Variants in CHRNA7 observed in about 807,000 individuals in gnomAD.
CHRNA7 encodes the protein neuronal acetylcholine receptor subunit alpha-7.
A neutral mutation model predicts 48.0 loss-of-function variants in CHRNA7; 17 were observed. The ratio of observed to expected loss-of-function variants is 0.35; its 90% CI spans 0.24 to 0.53. The LOEUF is 0.53. CHRNA7 is among the 20% of genes least tolerant of loss of function. CHRNA7 has a pLI of 0.92. For missense variants in CHRNA7, 155 were observed against 577.7 expected (o/e 0.27, Z 7.50); for synonymous variants, 75 against 242.3 (o/e 0.31, Z 6.41).
chr15:32,068,648 A>G (rs1016347843), intron 2 of CHRNA7, among the ~76,000 whole-genome samples: 7 of 151,562 alleles, frequency 4.6e-5, no homozygotes, highest in Non-Finnish European at 7.4e-5. Context: ...GCTTGAACCC[A>G]GGAGGCAGAG....
intron 2 of CHRNA7, among the ~76,000 whole-genome samples, chr15:32,072,273 C>T (rs943578224): frequency 5.9e-5 from 9 of 152,196 alleles, no homozygotes. Flanking sequence ...AGCAGCAAAG[C>T]ATTTAAGAGG....
intron 4 of CHRNA7, among the ~76,000 whole-genome samples, chr15:32,141,071 T>C (rs2051369359): frequency 6.6e-6 from 1 of 152,252 alleles, no homozygotes; most frequent in South Asian, 2.1e-4. Context: ...GGTTTAAGTC[T>C]TTAATCCATC....
In CHRNA7 at chr15:32,049,364, C is replaced by G. The variant is rs542048503; in HGVS notation, c.195+18327C>G. On this transcript the variant is annotated intron_variant, in intron 2 of 9. Coordinates refer to ENST00000306901, the MANE Select transcript of CHRNA7 (RefSeq NM_000746.6). ...GTGCATATATATTTAGGAAAGTTAG[C>G]TCTTCTTGTTGAATTGATCCCTTTA... is the stretch of plus-strand genomic sequence containing the variant. Among the ~76,000 whole-genome samples, 805 of 152,164 alleles carry G rather than the reference C, an allele frequency of 5.3e-3. 13 individuals carry two copies. The highest frequency in any genetic ancestry group is 5.8e-3 in the Non-Finnish European group (397 of 68,010).
intron 3 of CHRNA7, among the ~76,000 whole-genome samples, chr15:32,110,189 C>T (rs139984665): frequency 1.3e-5 from 2 of 152,160 alleles, no homozygotes; most frequent in African/African-American, 4.8e-5. Flanking sequence ...TTGGCTGTGG[C>T]AGGGCCTTGT....
At chr15:32,079,326 A>G (rs943662487) in intron 2 of CHRNA7, among the ~76,000 whole-genome samples, 3 of 152,218 alleles carry the variant, frequency 2.0e-5, no homozygotes, top group Non-Finnish European at 2.9e-5. Flanking sequence ...AGAAAGAAGT[A>G]GAGGGTATTC....
At chr15:32,105,406 T>G in intron 3 of CHRNA7, among the ~76,000 whole-genome samples, 3 of 134,986 alleles carry the variant, frequency 2.2e-5, no homozygotes, top group Admixed American at 7.5e-5. Flanking sequence ...GAGGAGGAGT[T>G]GGAGGAGGTG....
At chr15:32,043,517 ATTTC>A (rs2049484475) in intron 2 of CHRNA7, among the ~76,000 whole-genome samples, 1 of 151,522 alleles carries the variant, frequency 6.6e-6, no homozygotes, top group African/African-American at 2.4e-5. Context: ...TGTTAGTCAT[ATTTC>A]TTTCTTTTTG....
intron 2 of CHRNA7, among the ~76,000 whole-genome samples, chr15:32,049,891 C>A (rs1487394743): frequency 1.3e-5 from 2 of 152,086 alleles, no homozygotes; most frequent in Non-Finnish European, 2.9e-5. Context: ...TATTTTATTT[C>A]TCCTTCACTT....
intron 4 of CHRNA7, among the ~76,000 whole-genome samples, chr15:32,119,914 C>G (rs75679280): frequency 1.3e-5 from 2 of 152,146 alleles, no homozygotes; most frequent in African/African-American, 2.4e-5. Flanking sequence ...AGTGGACTGT[C>G]GCTGGCTGAC....
intron 3 of CHRNA7, chr15:32,103,061 G>C (rs2050600194): frequency 6.6e-6 from 1 of 152,240 alleles, no homozygotes; most frequent in Non-Finnish European, 1.5e-5. Context: ...CAAGATGGGA[G>C]TTGAGGTAAG....
intron 2 of CHRNA7, chr15:32,099,689 C>G (rs1306964311): frequency 6.6e-6 from 1 of 152,180 alleles, no homozygotes; most frequent in African/African-American, 2.4e-5. Context: ...GTTGAGGCAA[C>G]AGATACACGT....
At chr15:32,051,339 G>A (rs1417751916) in intron 2 of CHRNA7, among the ~76,000 whole-genome samples, 21 of 152,158 alleles carry the variant, frequency 1.4e-4, no homozygotes, top group Admixed American at 5.2e-4. Context: ...TTACCTAAGC[G>A]AGCCTAGGCA....
In CHRNA7 at chr15:32,137,059, A is replaced by G. The variant is rs868144008; in HGVS notation, c.351-16848A>G. ...AAAAAAAAAAAAAGAAAAAAAAAAG[A>G]AAACAGGAGAAACCTAAATGCAATC... On this transcript the variant is annotated intron_variant, in intron 4 of 9. Coordinates refer to ENST00000306901, the MANE Select transcript of CHRNA7 (RefSeq NM_000746.6). Among the ~76,000 whole-genome samples, 16 of 150,388 alleles carry G rather than the reference A, an allele frequency of 1.1e-4. No homozygotes were observed. In the South Asian group the frequency reaches 3.4e-3, roughly 32 times the overall value.
intron 4 of CHRNA7, among the ~76,000 whole-genome samples, chr15:32,139,103 A>T (rs1186122594): frequency 6.6e-6 from 1 of 152,070 alleles, no homozygotes; most frequent in Non-Finnish European, 1.5e-5. Context: ...AATATCATAT[A>T]ATTGGAATCT....
chr15:32,033,184 A>G (rs1901927119), intron 2 of CHRNA7, among the ~76,000 whole-genome samples: 1 of 152,194 alleles, frequency 6.6e-6, no homozygotes, highest in Admixed American at 6.5e-5. Flanking sequence ...TGCTATGTTC[A>G]TGGAGTGGCC....
At position 32,136,348 on chromosome 15, in the gene CHRNA7, G is replaced by A. The variant is rs529400231; in HGVS notation, c.351-17559G>A. On this transcript the variant is annotated intron_variant, in intron 4 of 9. Coordinates refer to ENST00000306901, the MANE Select transcript of CHRNA7 (RefSeq NM_000746.6). ...TCTACTAAAAATACAAAAATTAGCC[G>A]GGCGTGGTGGCATGTGCCTGTAGTC... Among the ~76,000 whole-genome samples the A allele has an allele frequency of 1.4e-4, 22 of 151,944 alleles. No individual in the cohort carries two copies. In the East Asian group the frequency reaches 1.8e-3, roughly 12 times the overall value.
At chr15:32,037,838 G>A (rs549211798) in intron 2 of CHRNA7, among the ~76,000 whole-genome samples, 3 of 151,718 alleles carry the variant, frequency 2.0e-5, no homozygotes, top group Non-Finnish European at 2.9e-5. Flanking sequence ...CTACATGAAC[G>A]ATCATGTCAT....
At chr15:32,032,172 C>G (rs575744167) in intron 2 of CHRNA7, among the ~76,000 whole-genome samples, 2 of 152,324 alleles carry the variant, frequency 1.3e-5, no homozygotes, top group Admixed American at 6.5e-5. Context: ...CAAATGTGTT[C>G]TTCCTCCTAC....
At chr15:32,059,111 C>A (rs1224713290) in intron 2 of CHRNA7, among the ~76,000 whole-genome samples, 1 of 152,004 alleles carries the variant, frequency 6.6e-6, no homozygotes, top group Non-Finnish European at 1.5e-5. Flanking sequence ...TCAAGCAATT[C>A]TCATGCCTCA....
Sources: gnomAD v4.1 joint callset for allele counts (sites outside exome capture counted in the v4.1 genomes callset) on GRCh38, gnomAD v4.1.1 for gene constraint, MANE v1.5 for transcripts, NCBI Gene and HGNC (gene_info 2026-07-23, HGNC 2026-07-21) for gene names.